Variants in VWDE observed in about 807,000 individuals in gnomAD.
VWDE encodes the protein von Willebrand factor D and EGF domain-containing protein.
Under a neutral mutation model 178.4 loss-of-function variants are expected in VWDE, and 207 were observed. The observed-to-expected ratio is 1.16, with a 90% CI of 1.04 to 1.30. The LOEUF (loss-of-function observed/expected upper bound fraction) is 1.30, where lower values mean the gene tolerates loss of function less well. VWDE is among the 50% of genes most tolerant of loss of function. The pLI is 0.00. For synonymous variants in VWDE, 738 were observed against 651.4 expected, an observed-to-expected ratio of 1.13 and a Z score of -2.02; for missense variants, 2,287 against 1,901.3, an observed-to-expected ratio of 1.20 and a Z score of -3.77.
At chr7:12,351,404 G>A (rs1229248724) in intron 19 of VWDE, among the ~76,000 whole-genome samples, 169 bp downstream of exon 19, 3 of 152,118 alleles carry the variant, frequency 2.0e-5, no homozygotes, top group African/African-American at 7.2e-5. Context: ...ATATAAGCCA[G>A]ATGATTGAAT....
chr7:12,356,880 A>G (rs1252532597), intron 17 of VWDE, among the ~76,000 whole-genome samples: 1 of 152,202 alleles, frequency 6.6e-6, no homozygotes, highest in Non-Finnish European at 1.5e-5. Flanking sequence ...ATTTATCTCA[A>G]GTTGTATTTA....
chr7:12,334,003 G>T (rs73680916), intron 27 of VWDE, among the ~76,000 whole-genome samples: 74 of 152,148 alleles, frequency 4.9e-4, no homozygotes, highest in African/African-American at 1.6e-3. Flanking sequence ...ACTATCATTG[G>T]AAGTTTAATG....
chr7:12,368,618 A>G (rs1782988045), intron 12 of VWDE, among the ~76,000 whole-genome samples: 2 of 152,126 alleles, frequency 1.3e-5, no homozygotes, highest in South Asian at 4.1e-4. Context: ...AGGGTCTTCT[A>G]CGCCATGGTA....
intron 2 of VWDE, among the ~76,000 whole-genome samples, chr7:12,392,292 G>A (rs1481807060): frequency 4.6e-5 from 7 of 152,246 alleles, no homozygotes; most frequent in Non-Finnish European, 7.4e-5. Context: ...CAAAATAAAC[G>A]TCAGATTAAA....
Position 12,380,674 on chromosome 7 carries a change from A to G in VWDE, c.601T>C (p.Leu201=), listed in dbSNP as rs1783805946. Reference sequence around the variant, plus strand: ...CTACAGAAAAGCCTGGACTCAATCAACTCCACCAGAACCTCTGGCCTTCCT... The same window carrying G: ...CTACAGAAAAGCCTGGACTCAATCAGCTCCACCAGAACCTCTGGCCTTCCT... The part of the protein sequence containing the change: ...PAGRPEVLVE[L]IESRLFCRCS... The change falls in exon 5 of 29, where the codon TTG becomes CTG. Residue 201 remains leucine, a synonymous_variant. Coordinates refer to ENST00000275358, the MANE Select transcript of VWDE (RefSeq NM_001135924.3). 3.2e-6 allele frequency: 5 copies of G among 1,551,822 alleles called. No individual in the cohort carries two copies. Among genetic ancestry groups the G allele is most frequent in the African/African-American group, 2.7e-5 (2 of 72,978 alleles).
chr7:12,388,843 T>C, intron 3 of VWDE: 4 of 571,990 alleles, frequency 7.0e-6, no homozygotes, highest in South Asian at 6.6e-5. Context: ...GGAATGGACT[T>C]GAGGAAACCA....
In VWDE at chr7:12,370,979, A is replaced by G. The variant is rs1447394168; in HGVS notation, c.1588-115T>C. Reference sequence around the variant, plus strand: ...ATAGTTATTCCCTCAATATAAAAAAAGAATAAAATACTGATTTTCTTGACT... The same window carrying G: ...ATAGTTATTCCCTCAATATAAAAAAGGAATAAAATACTGATTTTCTTGACT... On this transcript the variant is annotated intron_variant, in intron 10 of 28. Transcript: ENST00000275358. 38 of 828,588 alleles carry G rather than the reference A, an allele frequency of 4.6e-5. No homozygotes were observed. In the East Asian group the frequency reaches 1.0e-3, roughly 23 times the overall value. 51.3% of individuals were successfully genotyped at this position (828,588 alleles called of 1,614,324 possible).
chr7:12,376,490 T>A lies in VWDE; in HGVS notation c.1025-1263A>T, dbSNP rs146556475. On this transcript the variant is annotated intron_variant, in intron 7 of 28. Transcript: ENST00000275358. ...ATATATTTAGGCTATTATTATATTA[T>A]TTTAGCAATGCTTGCCTTGTTGAAA... 9.4e-3 allele frequency among the ~76,000 whole-genome samples: 1,431 copies of A among 152,260 alleles called. 24 individuals carry two copies. Among genetic ancestry groups the A allele is most frequent in the African/African-American group, 0.032 (1,319 of 41,578 alleles).
intron 19 of VWDE, among the ~76,000 whole-genome samples, chr7:12,349,761 C>T (rs920560467): frequency 4.6e-5 from 7 of 151,846 alleles, no homozygotes; most frequent in Non-Finnish European, 7.4e-5. Flanking sequence ...CCTTTGGCAA[C>T]TTCTATCTAG....
intron 3 of VWDE, among the ~76,000 whole-genome samples, chr7:12,386,159 T>C (rs1242766455): frequency 2.0e-5 from 3 of 152,112 alleles, no homozygotes; most frequent in Non-Finnish European, 4.4e-5. Context: ...CCACAAATAT[T>C]TGGTAATATT....
Position 12,395,084 on chromosome 7 carries a change from T to C in VWDE, c.59-1306A>G, listed in dbSNP as rs1784561713. On this transcript the variant is annotated intron_variant, in intron 1 of 28. Coordinates refer to ENST00000275358, the MANE Select transcript of VWDE (RefSeq NM_001135924.3). ...TCCAAATGATCTCTCTACAGAATTT[T>C]TTTTAGTACAAGATATTGGAAGTCA... Among the ~76,000 whole-genome samples, 11 of 152,140 alleles carry C rather than the reference T, an allele frequency of 7.2e-5. No individual in the cohort carries two copies. In the South Asian group the frequency reaches 2.3e-3, roughly 31 times the overall value.
intron 16 of VWDE, among the ~76,000 whole-genome samples, chr7:12,357,844 C>A (rs2128552356): frequency 6.6e-6 from 1 of 152,032 alleles, no homozygotes; most frequent in South Asian, 2.1e-4. Flanking sequence ...GACTGCCTCA[C>A]TACTCTCTCT....
rs980047681 is a variant in VWDE at position 12,403,769 on chromosome 7, C to G, written c.-53G>C. ...CGTCGCAGAGCCCGGGCCGCGGGTG[C>G]CAGGAGGATGGGGCCACAGCAGCCC... On this transcript the variant is annotated 5_prime_UTR_variant, in exon 1 of 29. Coordinates refer to ENST00000275358, the MANE Select transcript of VWDE (RefSeq NM_001135924.3). 6.5e-7 allele frequency: 1 copy of G among 1,538,412 alleles called. No homozygotes were observed. Among genetic ancestry groups the G allele is most frequent in the Non-Finnish European group, 8.8e-7 (1 of 1,136,746 alleles).
At chr7:12,353,137 G>C (rs1161640104) in intron 18 of VWDE, among the ~76,000 whole-genome samples, 4 of 152,112 alleles carry the variant, frequency 2.6e-5, no homozygotes, top group African/African-American at 9.7e-5. Context: ...ACAGACTGCG[G>C]GGCTTAAACA....
At chr7:12,383,465 A>T in intron 4 of VWDE, 71 bp downstream of exon 4, 1 of 1,188,602 alleles carries the variant, frequency 8.4e-7, no homozygotes, top group Non-Finnish European at 1.2e-6. Flanking sequence ...CCAAAGCTGC[A>T]GAATATAATT....
intron 4 of VWDE, 129 bp downstream of exon 4, chr7:12,383,407 G>C (rs1201190594): frequency 1.4e-6 from 1 of 731,672 alleles, no homozygotes; most frequent in Non-Finnish European, 2.2e-6. Context: ...TTTTATTTTT[G>C]ATAGCTACCA....
In VWDE at chr7:12,403,665, C is replaced by T. The variant is rs948715614; in HGVS notation, c.52G>A (p.Gly18Arg). 1.3e-6 allele frequency: 2 copies of T among 1,545,314 alleles called. No homozygotes were observed. The highest frequency in any genetic ancestry group is 2.4e-5 in the East Asian group (1 of 40,882). The change falls in exon 1 of 29, where the codon GGG becomes AGG. Residue 18 changes from glycine (G) to arginine (R), a missense_variant. Coordinates refer to ENST00000275358, the MANE Select transcript of VWDE (RefSeq NM_001135924.3). The part of the protein sequence containing the change: ...LVIALMFLAW[G>R]EAQECSPGGH... ...CGCGCCCTACCTCGCTTACCTTCCCCCCAGGCCAGGAACATCAGCGCGATC... is the reference window on the plus strand; with the variant it reads ...CGCGCCCTACCTCGCTTACCTTCCCTCCAGGCCAGGAACATCAGCGCGATC...
chr7:12,345,854 G>A (rs1781570369), intron 19 of VWDE, among the ~76,000 whole-genome samples: 1 of 152,144 alleles, frequency 6.6e-6, no homozygotes, highest in Non-Finnish European at 1.5e-5. Flanking sequence ...GTGATGAGCG[G>A]GAGATGTTGT....
intron 6 of VWDE, 76 bp from the exon 7 acceptor site, chr7:12,377,996 T>A: frequency 9.2e-7 from 1 of 1,084,016 alleles, no homozygotes; most frequent in Non-Finnish European, 1.2e-6. Context: ...AAAGGGCATT[T>A]TCTCAACAGC....
Sources: gnomAD v4.1 joint callset for allele counts (sites outside exome capture counted in the v4.1 genomes callset) on GRCh38, gnomAD v4.1.1 for gene constraint, MANE v1.5 for transcripts, NCBI Gene and HGNC (gene_info 2026-07-23, HGNC 2026-07-21) for gene names.